The following MBNL2 variants were observed in gnomAD, a reference collection of about 807,000 sequenced individuals.
MBNL2 encodes muscleblind like splicing regulator 2.
Under a neutral mutation model 41.9 loss-of-function variants are expected in MBNL2, and 17 were observed. That is an observed-to-expected ratio of 0.41 (90% CI 0.28 to 0.61). MBNL2 has a LOEUF of 0.61. MBNL2 is among the 20% of genes least tolerant of loss of function. MBNL2 has a pLI of 0.35. For missense variants in MBNL2, 336 were observed against 505.6 expected, an observed-to-expected ratio of 0.66 and a Z score of 3.22; for synonymous variants, 195 against 182.9, an observed-to-expected ratio of 1.07 and a Z score of -0.53.
chr13:97,241,716 C>G (rs1354352803), intron 1 of MBNL2, among the ~76,000 whole-genome samples: 1 of 152,164 alleles, frequency 6.6e-6, no homozygotes, highest in Non-Finnish European at 1.5e-5. Flanking sequence ...CAGGCATGCA[C>G]CCCAAAAGCC....
chr13:97,203,910 A>G, the MBNL2 span, among the ~76,000 whole-genome samples: 17 of 152,064 alleles, frequency 1.1e-4, 2 homozygotes, highest in Admixed American at 9.8e-4. Flanking sequence ...GGATGGATGG[A>G]TGGATGGACG....
At chr13:97,275,443 G>C (rs1392717467) in intron 1 of MBNL2, among the ~76,000 whole-genome samples, 189 bp from the exon 2 acceptor site, 1 of 152,146 alleles carries the variant, frequency 6.6e-6, no homozygotes, top group Non-Finnish European at 1.5e-5. Context: ...CTGCTGCCTA[G>C]ACAATTCTGC....
intron 2 of MBNL2, among the ~76,000 whole-genome samples, chr13:97,298,372 A>G (rs1337084713): frequency 6.6e-6 from 1 of 152,180 alleles, no homozygotes; most frequent in Non-Finnish European, 1.5e-5. Flanking sequence ...TCTCCCTGGA[A>G]TATAAGCTCC....
At chr13:97,312,215 CAATGGAATACATTCTGTT>C (rs2058675972) in intron 2 of MBNL2, among the ~76,000 whole-genome samples, 1 of 152,194 alleles carries the variant, frequency 6.6e-6, no homozygotes, top group African/African-American at 2.4e-5. Context: ...GAAAATCAAT[CAATGGAATACATTCTGTT>C]AATGGAATAA....
intron 1 of MBNL2, among the ~76,000 whole-genome samples, chr13:97,271,427 T>G (rs1211275412): frequency 6.6e-6 from 1 of 150,902 alleles, no homozygotes; most frequent in Non-Finnish European, 1.5e-5. Context: ...TTTTAAGATT[T>G]ATTTATTTAT....
chr13:97,175,276 C>T, the MBNL2 span, among the ~76,000 whole-genome samples: 26 of 152,324 alleles, frequency 1.7e-4, no homozygotes, highest in Non-Finnish European at 1.2e-4. Context: ...CCTGAAGGCT[C>T]TTCCTACCCA....
chr13:97,295,349 C>A (rs1396512404), intron 2 of MBNL2, among the ~76,000 whole-genome samples: 2 of 151,726 alleles, frequency 1.3e-5, no homozygotes, highest in Non-Finnish European at 2.9e-5. Flanking sequence ...ACCAAAGATA[C>A]TAACAGACAG....
At chr13:97,281,804 T>C (rs1001419502) in intron 2 of MBNL2, among the ~76,000 whole-genome samples, 1 of 152,178 alleles carries the variant, frequency 6.6e-6, no homozygotes, top group Admixed American at 6.5e-5. Flanking sequence ...CTCTGTCAGG[T>C]AAACATGATT....
the MBNL2 span, among the ~76,000 whole-genome samples, chr13:97,154,899 G>A: frequency 2.0e-5 from 3 of 152,038 alleles, no homozygotes; most frequent in Non-Finnish European, 4.4e-5. Context: ...TAAGATTAGA[G>A]GGACCAATAT....
chr13:97,250,908 G>A (rs553618797), intron 1 of MBNL2, among the ~76,000 whole-genome samples: 1 of 152,232 alleles, frequency 6.6e-6, no homozygotes, highest in East Asian at 1.9e-4. Flanking sequence ...TCTTTGCTGA[G>A]TTTCTTATTG....
chr13:97,204,211 G>A, the MBNL2 span, among the ~76,000 whole-genome samples: 2 of 152,160 alleles, frequency 1.3e-5, no homozygotes, highest in East Asian at 3.9e-4. Flanking sequence ...CAGGCCACAG[G>A]ATAAGGTCGT....
the MBNL2 span, among the ~76,000 whole-genome samples, chr13:97,153,152 TAAGAA>T: frequency 6.6e-6 from 1 of 152,140 alleles, no homozygotes; most frequent in Non-Finnish European, 1.5e-5. Context: ...AAATGTAGTA[TAAGAA>T]AAGAAATGTA....
chr13:97,160,309 T>G, the MBNL2 span, among the ~76,000 whole-genome samples: 1 of 152,160 alleles, frequency 6.6e-6, no homozygotes, highest in South Asian at 2.1e-4. Context: ...CTGTGCTTTC[T>G]GCAAAAGGCA....
At chr13:97,304,689 T>C (rs1409593589) in intron 2 of MBNL2, among the ~76,000 whole-genome samples, 2 of 152,190 alleles carry the variant, frequency 1.3e-5, no homozygotes, top group Non-Finnish European at 2.9e-5. Context: ...GCTCATAGAA[T>C]TGTTATAAAA....
At chr13:97,306,690 GA>G (rs1198010376) in intron 2 of MBNL2, among the ~76,000 whole-genome samples, 7 of 152,202 alleles carry the variant, frequency 4.6e-5, no homozygotes, top group African/African-American at 1.7e-4. Flanking sequence ...AATACTTCCA[GA>G]AAAACTTGAA....
intron 7 of MBNL2, among the ~76,000 whole-genome samples, chr13:97,359,735 G>A (rs2063257795): frequency 6.6e-6 from 1 of 152,144 alleles, no homozygotes. Flanking sequence ...GTGGGTCCTA[G>A]CGCACCAATA....
chr13:97,377,450 TG>T (rs1286143619), intron 8 of MBNL2, among the ~76,000 whole-genome samples: 1 of 152,214 alleles, frequency 6.6e-6, no homozygotes, highest in Non-Finnish European at 1.5e-5. Context: ...ATTTGAACTT[TG>T]TTCAATAAAA....
chr13:97,347,935 A>G (rs1363251804), intron 5 of MBNL2, among the ~76,000 whole-genome samples: 1 of 152,184 alleles, frequency 6.6e-6, no homozygotes, highest in Non-Finnish European at 1.5e-5. Context: ...TTAACATTTG[A>G]GAAGCACCTG....
chr13:97,357,424 A>G, intron 6 of MBNL2, 58 bp from the exon 7 acceptor site: 1 of 1,408,576 alleles, frequency 7.1e-7, no homozygotes, highest in South Asian at 1.2e-5. Flanking sequence ...ATCTCTGTGA[A>G]CATGGAAGGT....
Sources: gnomAD v4.1 joint callset for allele counts (sites outside exome capture counted in the v4.1 genomes callset) on GRCh38, gnomAD v4.1.1 for gene constraint, MANE v1.5 for transcripts, NCBI Gene and HGNC (gene_info 2026-07-23, HGNC 2026-07-21) for gene names.